Variants in PEX11A observed in about 807,000 individuals in gnomAD.
PEX11A encodes the protein peroxisomal biogenesis factor 11 alpha.
Under a neutral mutation model 14.4 loss-of-function variants are expected in PEX11A, and 13 were observed. That is an observed-to-expected ratio of 0.90 (90% CI 0.59 to 1.43). The LOEUF (loss-of-function observed/expected upper bound fraction) is 1.43, where lower values mean the gene tolerates loss of function less well. PEX11A is among the 40% of genes most tolerant of loss of function. The pLI is 0.00. For synonymous variants in PEX11A, 101 were observed against 113.0 expected (o/e 0.89, Z 0.67); for missense variants, 290 against 302.8 (o/e 0.96, Z 0.31).
intron 1 of PEX11A, among the ~76,000 whole-genome samples, chr15:89,687,643 T>A (rs907449631): frequency 1.3e-5 from 2 of 152,226 alleles, no homozygotes; most frequent in African/African-American, 4.8e-5. Context: ...CCCTTTATGC[T>A]ATAAATATTA....
chr15:89,681,840 T>C lies in PEX11A; in HGVS notation c.*1537A>G, dbSNP rs114688397. 1,219 of 271,194 alleles carry C rather than the reference T, an allele frequency of 4.5e-3. 13 individuals carry two copies. Among genetic ancestry groups the C allele is most frequent in the African/African-American group, 0.025 (1,144 of 45,240 alleles). 16.8% of individuals were successfully genotyped at this position (271,194 alleles called of 1,614,324 possible). ...GCTGGGAGGACTGACATCGGCCTCC[T>C]ACCTGCTGGCATCCTATTTCTCTAC... On this transcript the variant is annotated 3_prime_UTR_variant, in exon 3 of 3. Coordinates refer to ENST00000300056, the MANE Select transcript of PEX11A (RefSeq NM_003847.3).
intron 1 of PEX11A, chr15:89,688,024 A>T: frequency 1.9e-6 from 1 of 539,930 alleles, no homozygotes; most frequent in Non-Finnish European, 3.6e-6. Flanking sequence ...TTAGATCTTC[A>T]CTGGGCTCAA....
At chr15:89,690,522 C>A in intron 1 of PEX11A, 55 bp downstream of exon 1, 1 of 1,366,492 alleles carries the variant, frequency 7.3e-7, no homozygotes, top group Non-Finnish European at 1.0e-6. Flanking sequence ...GGGGAATAGG[C>A]ACGGGAGCCG....
chr15:89,689,236 C>T (rs1964744574), intron 1 of PEX11A, among the ~76,000 whole-genome samples: 1 of 43,328 alleles, frequency 2.3e-5, no homozygotes, highest in African/African-American at 6.5e-5. Context: ...TCAGTTCTGC[C>T]ATTGTAGTAC....
In PEX11A at chr15:89,683,517, G is replaced by T. The variant is rs771227983; in HGVS notation, c.604C>A (p.Leu202Ile). Residue 202 changes from leucine (L) to isoleucine (I), a missense_variant, in exon 3 of 3, where the codon CTT (leucine) becomes ATT (isoleucine). Leu to Ile is a conservative substitution (Grantham distance 5, BLOSUM62 2). Transcript: ENST00000300056. The stretch of plus-strand genomic sequence containing the variant: ...TCCAAAGGGTTCAGGATATCACAAA[G>T]GTTCTTCACTGTGTCCAGGAGCAAG... Reference protein sequence around the residue: ...PPLLLDTVKNLCDILNPLDQL... With the variant: ...PPLLLDTVKNICDILNPLDQL... 1.2e-6 allele frequency: 2 copies of T among 1,614,172 alleles called. No homozygotes were observed. The highest frequency in any genetic ancestry group is 2.2e-5 in the South Asian group (2 of 91,082).
chr15:89,681,758 G>A lies in PEX11A; in HGVS notation c.*1619C>T, dbSNP rs1291040119. On this transcript the variant is annotated 3_prime_UTR_variant, in exon 3 of 3. Coordinates refer to ENST00000300056, the MANE Select transcript of PEX11A (RefSeq NM_003847.3). Reference sequence around the variant, plus strand: ...TCTCAATCACATTTCTGGGAAATGTGACTTATTGAGTACATATTTATTTTC... The same window carrying A: ...TCTCAATCACATTTCTGGGAAATGTAACTTATTGAGTACATATTTATTTTC... 6 of 479,660 alleles carry A rather than the reference G, an allele frequency of 1.3e-5. No individual in the cohort carries two copies. The highest frequency in any genetic ancestry group is 7.8e-5 in the African/African-American group (4 of 51,194). The allele number at this position is 479,660 out of a possible 1,614,324, so 29.7% of individuals were successfully genotyped here.
At position 89,682,505 on chromosome 15, in the gene PEX11A, A is replaced by T. The variant is rs1289377986; in HGVS notation, c.*872T>A. On this transcript the variant is annotated 3_prime_UTR_variant, in exon 3 of 3. Transcript: ENST00000300056. ...TTTTAGTTTTTCTAGAAAAGAATAT[A>T]AACCACTGGACAAGGAAATTTCCAA... 3.3e-5 allele frequency: 5 copies of T among 152,246 alleles called. No individual in the cohort carries two copies. The highest frequency in any genetic ancestry group is 9.6e-5 in the African/African-American group (4 of 41,462). 9.4% of individuals were successfully genotyped at this position (152,246 alleles called of 1,614,324 possible). A position where few individuals can be genotyped will look rare whatever the true frequency, so the allele number is the denominator to read the frequency against.
intron 1 of PEX11A, 21 bp downstream of exon 1, chr15:89,690,556 G>A (rs1232470422): frequency 2.6e-6 from 4 of 1,546,454 alleles, no homozygotes; most frequent in South Asian, 1.2e-5. Context: ...AAGGGGCGGA[G>A]GCCGCTGGCA....
At position 89,683,327 on chromosome 15, in the gene PEX11A, C is replaced by A; in HGVS notation, c.*50G>T. 1 of 1,265,986 alleles carries A rather than the reference C, an allele frequency of 7.9e-7. No individual in the cohort carries two copies. Among genetic ancestry groups the A allele is most frequent in the Non-Finnish European group, 1.1e-6 (1 of 893,414 alleles). The allele number at this position is 1,265,986 out of a possible 1,614,324, so 78.4% of individuals were successfully genotyped here. A position where few individuals can be genotyped will look rare whatever the true frequency, so the allele number is the denominator to read the frequency against. ...GTGACTTATACAAATGTCTGTCCCA[C>A]CAAGAGGCCATCTTTTAAAGTAGGT... On this transcript the variant is annotated 3_prime_UTR_variant, in exon 3 of 3. Coordinates refer to ENST00000300056, the MANE Select transcript of PEX11A (RefSeq NM_003847.3).
At chr15:89,684,725 C>A (rs7176403) in intron 2 of PEX11A, among the ~76,000 whole-genome samples, 2 of 152,136 alleles carry the variant, frequency 1.3e-5, no homozygotes, top group African/African-American at 4.8e-5. Flanking sequence ...TATGTGAGCA[C>A]GTAATTCAAT....
chr15:89,687,080 C>A (rs372232102), intron 1 of PEX11A, among the ~76,000 whole-genome samples: 1 of 152,046 alleles, frequency 6.6e-6, no homozygotes, highest in Non-Finnish European at 1.5e-5. Flanking sequence ...TGTGCCACCA[C>A]GCCCAGCTAA....
intron 2 of PEX11A, among the ~76,000 whole-genome samples, chr15:89,684,220 A>G (rs1196024098): frequency 6.6e-6 from 1 of 152,174 alleles, no homozygotes; most frequent in Non-Finnish European, 1.5e-5. Flanking sequence ...TCTTTTTAAC[A>G]ACTGATGGTC....
chr15:89,684,964 C>T (rs1017376643), intron 2 of PEX11A, among the ~76,000 whole-genome samples: 2 of 151,926 alleles, frequency 1.3e-5, no homozygotes, highest in African/African-American at 4.8e-5. Flanking sequence ...CCAAGGTGCA[C>T]GGATCACCTG....
chr15:89,683,819 G>A lies in PEX11A; in HGVS notation c.302C>T (p.Thr101Ile), dbSNP rs373563993. The A allele has an allele frequency of 1.2e-6, 2 of 1,614,088 alleles. No homozygotes were observed. The highest frequency in any genetic ancestry group is 4.5e-5 in the East Asian group (2 of 44,888). Residue 101 changes from threonine (T) to isoleucine (I), a missense_variant, in exon 3 of 3, where the codon ACC (threonine) becomes ATC (isoleucine). Coordinates refer to ENST00000300056, the MANE Select transcript of PEX11A (RefSeq NM_003847.3). ...ACCTACGCTCCTCACCCAGAGGATG[G>A]TGTCACAGATGAAATAAATCACACG... ...LNRVIYFICD[T>I]ILWVRSVGLT...
chr15:89,683,531 T>C lies in PEX11A; in HGVS notation c.590A>G (p.Asp197Gly). The C allele has an allele frequency of 6.2e-7, 1 of 1,614,178 alleles. No homozygotes were observed. The highest frequency in any genetic ancestry group is 1.1e-5 in the South Asian group (1 of 91,084). ...GATATCACAAAGGTTCTTCACTGTG[T>C]CCAGGAGCAAGGGAGGATGCTGCTT... ...SLKQHPPLLLDTVKNLCDILN... is the reference protein window; with the variant it reads ...SLKQHPPLLLGTVKNLCDILN... The change falls in exon 3 of 3, where the codon GAC (aspartate) becomes GGC (glycine). Residue 197 changes from aspartate to glycine, a missense_variant. By Grantham distance (94) the Asp-to-Gly change is moderately conservative. Coordinates refer to ENST00000300056, the MANE Select transcript of PEX11A (RefSeq NM_003847.3).
chr15:89,689,486 G>A (rs1164965530), intron 1 of PEX11A, among the ~76,000 whole-genome samples: 1 of 152,180 alleles, frequency 6.6e-6, no homozygotes, highest in Non-Finnish European at 1.5e-5. Context: ...AACTGCAACT[G>A]TAAATATTTT....
In PEX11A at chr15:89,686,928, T is replaced by G. The variant is rs78625933; in HGVS notation, c.57-382A>C. 2.0e-5 allele frequency among the ~76,000 whole-genome samples: 3 copies of G among 146,576 alleles called. No individual in the cohort carries two copies. In the East Asian group the frequency reaches 6.2e-4, roughly 30 times the overall value. ...CAGTGTAGATTTCTTTCTTTGTTTT[T>G]TTTTTGTTTGTTTTTGATCGAGTCT... On this transcript the variant is annotated intron_variant, in intron 1 of 2. Coordinates refer to ENST00000300056, the MANE Select transcript of PEX11A (RefSeq NM_003847.3).
chr15:89,685,404 C>T (rs1964663309), intron 2 of PEX11A, among the ~76,000 whole-genome samples: 1 of 151,944 alleles, frequency 6.6e-6, no homozygotes, highest in African/African-American at 2.4e-5. Flanking sequence ...GACCTTTCAG[C>T]TCCAACATTC....
chr15:89,684,458 CTAT>C (rs961804348), intron 2 of PEX11A, among the ~76,000 whole-genome samples: 10 of 152,294 alleles, frequency 6.6e-5, no homozygotes, highest in African/African-American at 2.4e-4. Context: ...AAGGAAGGTA[CTAT>C]GATAACATGA....
Sources: allele counts gnomAD v4.1 joint callset (sites outside exome capture counted in the v4.1 genomes callset), GRCh38; gene constraint gnomAD v4.1.1; transcripts MANE v1.5; gene names NCBI Gene and HGNC (gene_info 2026-07-23, HGNC 2026-07-21).